DPP10: variants seen among roughly 807,000 people sequenced by gnomAD.
DPP10 encodes inactive dipeptidyl peptidase 10.
DPP10 carries 33 observed loss-of-function variants against 120.9 expected under a neutral mutation model. The observed-to-expected ratio is 0.27, with a 90% confidence interval of 0.21 to 0.37. The LOEUF (loss-of-function observed/expected upper bound fraction) is 0.37. Ranked by LOEUF, DPP10 falls within the 10% of genes least tolerant of loss-of-function variation. DPP10 has a pLI of 1.00. For missense variants in DPP10, 816 were observed against 942.8 expected, an observed-to-expected ratio of 0.87 and a Z score of 1.76; for synonymous variants, 337 against 326.1, an observed-to-expected ratio of 1.03 and a Z score of -0.36.
intron 5 of DPP10, among the ~76,000 whole-genome samples, chr2:115,665,441 G>GA (rs2089370632): frequency 6.6e-6 from 1 of 152,004 alleles, no homozygotes; most frequent in African/African-American, 2.4e-5. Context: ...GTTAAAGTGT[G>GA]AAAAAAGTGT....
chr2:115,031,998 C>T (rs145721582), intron 1 of DPP10, among the ~76,000 whole-genome samples: 16 of 151,966 alleles, frequency 1.1e-4, no homozygotes, highest in East Asian at 3.9e-4. Context: ...GAGCCTATTA[C>T]GTATAATTTT....
intron 5 of DPP10, among the ~76,000 whole-genome samples, chr2:115,650,446 G>C (rs1188169459): frequency 6.6e-6 from 1 of 151,414 alleles, no homozygotes. Context: ...AACTGGTAAA[G>C]ATAATCATAT....
chr2:115,214,878 C>T (rs145435824), intron 1 of DPP10, among the ~76,000 whole-genome samples: 2 of 152,280 alleles, frequency 1.3e-5, no homozygotes, highest in Non-Finnish European at 2.9e-5. Context: ...CCAATCCACT[C>T]GAATTGACAA....
intron 1 of DPP10, among the ~76,000 whole-genome samples, chr2:114,820,696 A>G (rs1344418384): frequency 6.6e-6 from 1 of 152,196 alleles, no homozygotes; most frequent in East Asian, 1.9e-4. Context: ...AGACCTTGTG[A>G]GAACTCACTC....
At chr2:114,880,586 A>T (rs192633231) in intron 1 of DPP10, among the ~76,000 whole-genome samples, 1 of 152,296 alleles carries the variant, frequency 6.6e-6, no homozygotes, top group East Asian at 1.9e-4. Context: ...ATCCTGCAAC[A>T]TAATTTGTCC....
intron 1 of DPP10, among the ~76,000 whole-genome samples, chr2:114,909,859 A>G (rs887376035): frequency 2.6e-5 from 4 of 152,012 alleles, no homozygotes; most frequent in Non-Finnish European, 5.9e-5. Context: ...ATATAAATAT[A>G]TGCACACAGC....
intron 1 of DPP10, among the ~76,000 whole-genome samples, chr2:114,494,100 G>GAAA (rs1558810332): frequency 4.1e-4 from 2 of 4,876 alleles, no homozygotes; most frequent in South Asian, 0.011. Context: ...CAGCAATAAG[G>GAAA]CAAAAAAAAA....
At chr2:115,103,796 A>G (rs1470861097) in intron 1 of DPP10, among the ~76,000 whole-genome samples, 1 of 152,224 alleles carries the variant, frequency 6.6e-6, no homozygotes, top group African/African-American at 2.4e-5. Flanking sequence ...TAACCATTTA[A>G]TATATGAATA....
chr2:114,666,601 T>A (rs888215936), intron 1 of DPP10, among the ~76,000 whole-genome samples: 1 of 152,178 alleles, frequency 6.6e-6, no homozygotes, highest in African/African-American at 2.4e-5. Context: ...ATAGGCAACC[T>A]CTAAAGTCCC....
intron 1 of DPP10, among the ~76,000 whole-genome samples, chr2:114,498,270 C>A (rs186368042): frequency 6.6e-6 from 1 of 152,222 alleles, no homozygotes; most frequent in African/African-American, 2.4e-5. Flanking sequence ...ATTCTTCTGC[C>A]TGTCCTATTT....
At chr2:115,554,897 C>T (rs1331696674) in intron 5 of DPP10, among the ~76,000 whole-genome samples, 1 of 152,096 alleles carries the variant, frequency 6.6e-6, no homozygotes, top group Non-Finnish European at 1.5e-5. Context: ...GAACAAATCA[C>T]TCCTGACACA....
intron 5 of DPP10, among the ~76,000 whole-genome samples, chr2:115,587,233 G>A (rs551791694): frequency 2.6e-5 from 4 of 151,794 alleles, no homozygotes; most frequent in Non-Finnish European, 4.4e-5. Flanking sequence ...GAGTAGCTGG[G>A]ACAACAGGCT....
chr2:115,151,641 T>G (rs1037576987), intron 1 of DPP10, among the ~76,000 whole-genome samples: 2 of 151,906 alleles, frequency 1.3e-5, no homozygotes, highest in African/African-American at 4.8e-5. Context: ...ACTTCTGACC[T>G]CGTGATCCAC....
At chr2:115,695,884 G>A (rs1314526018) in intron 7 of DPP10, among the ~76,000 whole-genome samples, 2 of 152,046 alleles carry the variant, frequency 1.3e-5, no homozygotes. Context: ...GAACAAAATG[G>A]AAATACCAGT....
intron 1 of DPP10, among the ~76,000 whole-genome samples, chr2:114,665,665 T>C (rs1158086221): frequency 1.3e-5 from 2 of 152,222 alleles, no homozygotes; most frequent in African/African-American, 4.8e-5. Flanking sequence ...TATACTAATA[T>C]TGTTATTGTA....
At chr2:115,590,979 T>C (rs1297783988) in intron 5 of DPP10, among the ~76,000 whole-genome samples, 1 of 152,268 alleles carries the variant, frequency 6.6e-6, no homozygotes, top group Non-Finnish European at 1.5e-5. Context: ...TTGAGAATTG[T>C]CTGTTCATAT....
intron 1 of DPP10, among the ~76,000 whole-genome samples, chr2:114,656,835 A>G (rs1697001378): frequency 6.6e-6 from 1 of 152,188 alleles, no homozygotes; most frequent in Non-Finnish European, 1.5e-5. Context: ...TTCAATGGAC[A>G]ATAATATTTT....
chr2:114,704,862 T>C (rs966263975), intron 1 of DPP10, among the ~76,000 whole-genome samples: 7 of 152,078 alleles, frequency 4.6e-5, no homozygotes, highest in Non-Finnish European at 1.0e-4. Flanking sequence ...GAGGCTATAG[T>C]GGTGGAATCC....
At chr2:114,456,951 A>G (rs1678616563) in intron 1 of DPP10, among the ~76,000 whole-genome samples, 1 of 152,224 alleles carries the variant, frequency 6.6e-6, no homozygotes, top group Non-Finnish European at 1.5e-5. Context: ...CCACAATAAG[A>G]AAGCCATGGA....
Sources: gnomAD v4.1 joint callset for allele counts (sites outside exome capture counted in the v4.1 genomes callset) on GRCh38, gnomAD v4.1.1 for gene constraint, MANE v1.5 for transcripts, NCBI Gene and HGNC (gene_info 2026-07-23, HGNC 2026-07-21) for gene names.